NCMAP: variants seen among roughly 807,000 people sequenced by gnomAD.
NCMAP encodes non-compact myelin associated protein.
In NCMAP, 8 loss-of-function variants were observed where a neutral mutation model predicts 7.8. The ratio of observed to expected loss-of-function variants is 1.02; its 90% confidence interval spans 0.60 to 1.84. The LOEUF is 1.84. Ranked by LOEUF, NCMAP falls within the 40% of genes most tolerant of loss-of-function variation. NCMAP has a pLI of 0.00. For synonymous variants in NCMAP, 41 were observed against 52.9 expected (o/e 0.78, Z 0.98); for missense variants, 112 against 131.4 (o/e 0.85, Z 0.72).
Position 24,595,279 on chromosome 1 carries a change from A to C in NCMAP, c.-7-145A>C, listed in dbSNP as rs1652183298. ...AAATCCCCACCCACGGTATCTAATA[A>C]TGGGTTTTGCATTTACTTGCTGCCA... On this transcript the variant is annotated intron_variant, in intron 1 of 3. Transcript: ENST00000374392. The C allele has an allele frequency of 1.7e-5, 10 of 581,892 alleles. No homozygotes were observed. In the East Asian group the frequency reaches 2.8e-4, roughly 16 times the overall value. 36.0% of individuals were successfully genotyped at this position (581,892 alleles called of 1,614,324 possible). A position where few individuals can be genotyped will look rare whatever the true frequency, so the allele number is the denominator to read the frequency against.
chr1:24,602,569 C>CA (rs10630961), intron 3 of NCMAP, among the ~76,000 whole-genome samples: 1,489 of 39,754 alleles, frequency 0.037, 134 homozygotes, highest in Middle Eastern at 0.14. Flanking sequence ...GACTCCATCT[C>CA]AAAAAAAAAA....
rs35145959 is a variant in NCMAP at position 24,578,245 on chromosome 1, CAAAAA to C, written c.-7-17163_-7-17159del. Among the ~76,000 whole-genome samples the C allele has an allele frequency of 6.3e-3, 729 of 116,314 alleles. 6 individuals are homozygous for C. The highest frequency in any genetic ancestry group is 0.022 in the African/African-American group (690 of 31,670). The allele number at this position is 116,314 out of a possible 152,430, so 76.3% of individuals were successfully genotyped here. On this transcript the variant is annotated intron_variant, in intron 1 of 3. Transcript: ENST00000374392. ...CACTCCAGCCTGTGGGACACTGTCT[CAAAAA>C]AAAAAAAAAAAAAAATTGTACCAAA...
chr1:24,601,171 G>A (rs1570541253), intron 3 of NCMAP, 147 bp downstream of exon 3: 3 of 643,698 alleles, frequency 4.7e-6, no homozygotes, highest in Non-Finnish European at 8.3e-6. Flanking sequence ...GATCCTTTTT[G>A]CAGTCTGTTC....
chr1:24,581,052 G>C (rs56253708), intron 1 of NCMAP, among the ~76,000 whole-genome samples: 26,240 of 150,994 alleles, frequency 0.17, 2,461 homozygotes, highest in Non-Finnish European at 0.21. Flanking sequence ...GTGCCAGGGG[G>C]TTCAGGATGA....
chr1:24,593,611 A>G (rs1652117676), intron 1 of NCMAP, among the ~76,000 whole-genome samples: 5 of 152,190 alleles, frequency 3.3e-5, no homozygotes, highest in Admixed American at 3.3e-4. Flanking sequence ...AACATTTCTT[A>G]CTTTTAAAAA....
At chr1:24,591,266 G>A (rs1652039541) in intron 1 of NCMAP, among the ~76,000 whole-genome samples, 1 of 152,048 alleles carries the variant, frequency 6.6e-6, no homozygotes, top group South Asian at 2.1e-4. Flanking sequence ...ACTGGGGACT[G>A]GGCTGTGTCT....
chr1:24,570,957 C>T (rs780017475), intron 1 of NCMAP, among the ~76,000 whole-genome samples: 5 of 150,756 alleles, frequency 3.3e-5, no homozygotes, highest in Admixed American at 6.6e-5. Flanking sequence ...TCCTTCTGGG[C>T]GCCTCTGCTA....
At chr1:24,557,534 T>C (rs1469437592) in intron 1 of NCMAP, among the ~76,000 whole-genome samples, 1 of 152,058 alleles carries the variant, frequency 6.6e-6, no homozygotes, top group African/African-American at 2.4e-5. Context: ...AGAGGGCACA[T>C]AATACCCTGG....
intron 1 of NCMAP, among the ~76,000 whole-genome samples, chr1:24,569,183 G>C (rs957611164): frequency 6.6e-6 from 1 of 151,760 alleles, no homozygotes; most frequent in African/African-American, 2.4e-5. Flanking sequence ...TAGTAGAGAC[G>C]GGGTTTCACC....
At chr1:24,600,870 A>C in intron 2 of NCMAP, 70 bp from the exon 3 acceptor site, 1 of 1,367,242 alleles carries the variant, frequency 7.3e-7, no homozygotes, top group Non-Finnish European at 1.0e-6. Context: ...GTCAGGTGCC[A>C]CAGCAGGGCG....
intron 1 of NCMAP, among the ~76,000 whole-genome samples, chr1:24,572,101 A>G (rs963227512): frequency 6.6e-6 from 1 of 150,490 alleles, no homozygotes; most frequent in African/African-American, 2.5e-5. Context: ...GACTTCATTC[A>G]CCTTAGCTGA....
chr1:24,601,996 G>A (rs1054326666), intron 3 of NCMAP, among the ~76,000 whole-genome samples: 3 of 151,246 alleles, frequency 2.0e-5, no homozygotes, highest in African/African-American at 7.3e-5. Flanking sequence ...AGCCGAGATC[G>A]CGCCACTGCA....
At chr1:24,577,284 GT>G (rs1651590146) in intron 1 of NCMAP, among the ~76,000 whole-genome samples, 1 of 151,940 alleles carries the variant, frequency 6.6e-6, no homozygotes, top group Non-Finnish European at 1.5e-5. Flanking sequence ...ACACTTTGTG[GT>G]TAGCCAAGCC....
intron 2 of NCMAP, among the ~76,000 whole-genome samples, chr1:24,596,715 T>A (rs1265552723): frequency 2.0e-5 from 3 of 152,122 alleles, no homozygotes; most frequent in Non-Finnish European, 4.4e-5. Flanking sequence ...AAATCCGAAG[T>A]AGCTATTTTT....
At chr1:24,578,691 T>G (rs1192112772) in intron 1 of NCMAP, among the ~76,000 whole-genome samples, 1 of 150,550 alleles carries the variant, frequency 6.6e-6, no homozygotes, top group Non-Finnish European at 1.5e-5. Flanking sequence ...GCCTCCTAAA[T>G]AGCTGGGACT....
At chr1:24,588,757 G>T (rs34262503) in intron 1 of NCMAP, among the ~76,000 whole-genome samples, 27,530 of 152,208 alleles carry the variant, frequency 0.18, 2,618 homozygotes, top group Non-Finnish European at 0.21. Context: ...ATGTGATCGA[G>T]GCTCTGCTGA....
chr1:24,592,383 C>T (rs536437074), intron 1 of NCMAP, among the ~76,000 whole-genome samples: 3 of 152,274 alleles, frequency 2.0e-5, no homozygotes, highest in African/African-American at 7.2e-5. Flanking sequence ...CTGAGCCCAG[C>T]ATCAGTCACT....
chr1:24,591,695 T>A (rs1425581741), intron 1 of NCMAP, among the ~76,000 whole-genome samples: 1 of 150,010 alleles, frequency 6.7e-6, no homozygotes, highest in Non-Finnish European at 1.5e-5. Context: ...AGTGGGGAGG[T>A]CAGGCAGAGC....
chr1:24,604,674 T>C (rs1233845367), intron 3 of NCMAP, among the ~76,000 whole-genome samples: 1 of 109,638 alleles, frequency 9.1e-6, no homozygotes, highest in African/African-American at 3.3e-5. Context: ...TGAAATACCA[T>C]GAAGACATGA....
Sources: gnomAD v4.1 joint callset for allele counts (sites outside exome capture counted in the v4.1 genomes callset) on GRCh38, gnomAD v4.1.1 for gene constraint, MANE v1.5 for transcripts, NCBI Gene and HGNC (gene_info 2026-07-23, HGNC 2026-07-21) for gene names.